DDX10: variants seen among roughly 807,000 people sequenced by gnomAD.
DDX10 encodes probable ATP-dependent RNA helicase DDX10.
Under a neutral mutation model 104.3 loss-of-function variants are expected in DDX10, and 74 were observed. That is an observed-to-expected ratio of 0.71 (90% CI 0.59 to 0.86). The LOEUF (loss-of-function observed/expected upper bound fraction) is 0.86, where lower values mean the gene tolerates loss of function less well. DDX10 is among the 40% of genes least tolerant of loss of function. The probability of loss-of-function intolerance (pLI) is 0.00; values close to 1 mark genes in which losing one functional copy is unlikely to be tolerated. For missense variants in DDX10, 952 were observed against 1,040.0 expected (o/e 0.92, Z 1.16); for synonymous variants, 351 against 353.4 (o/e 0.99, Z 0.08).
chr11:108,689,826 T>C lies in DDX10; in HGVS notation c.975+764T>C, dbSNP rs138917130. On this transcript the variant is annotated intron_variant, in intron 7 of 17. Coordinates refer to ENST00000322536, the MANE Select transcript of DDX10 (RefSeq NM_004398.4). ...AGATTTACAGCTTTTGCAATAACTT[T>C]CCATGATAAATATGTAGATGGGTTT... Among the ~76,000 whole-genome samples, 415 of 152,346 alleles carry C rather than the reference T, an allele frequency of 2.7e-3. 1 individual carries two copies. Among genetic ancestry groups the C allele is most frequent in the African/African-American group, 9.3e-3 (385 of 41,580 alleles).
rs187906965 is a variant in DDX10, at chr11:108,797,533, C to T, written c.1966-40913C>T. 3.3e-5 allele frequency among the ~76,000 whole-genome samples: 5 copies of T among 152,246 alleles called. No individual in the cohort carries two copies. In the East Asian group the frequency reaches 7.7e-4, roughly 24 times the overall value. On this transcript the variant is annotated intron_variant, in intron 13 of 17. Coordinates refer to ENST00000322536, the MANE Select transcript of DDX10 (RefSeq NM_004398.4). ...TAAATGATTTATATTACAAAAAGAC[C>T]GACTCCAGGAGATAGAGCTCTATTT...
At position 108,904,186 on chromosome 11, in the gene DDX10, A is replaced by G. The variant is rs556640480; in HGVS notation, c.2305-13687A>G. 4.6e-5 allele frequency among the ~76,000 whole-genome samples: 7 copies of G among 152,262 alleles called. No homozygotes were observed. In the East Asian group the frequency reaches 1.4e-3, roughly 29 times the overall value. On this transcript the variant is annotated intron_variant, in intron 16 of 17. Transcript: ENST00000322536. ...GGAAATGACCCTATTCTATTAGAGC[A>G]GGGAGTCAGAGCAGGGTGGTTTCAA...
intron 13 of DDX10, among the ~76,000 whole-genome samples, chr11:108,744,591 A>G (rs1357600983): frequency 1.3e-5 from 2 of 152,168 alleles, no homozygotes; most frequent in Non-Finnish European, 2.9e-5. Context: ...ACCCTCTGCC[A>G]TGTCCCCTCT....
intron 13 of DDX10, among the ~76,000 whole-genome samples, chr11:108,802,064 G>A (rs550479333): frequency 6.6e-6 from 1 of 151,538 alleles, no homozygotes; most frequent in Non-Finnish European, 1.5e-5. Flanking sequence ...GGCTGATCAG[G>A]TGGAACCCAT....
rs1565258676 is a variant in DDX10, at chr11:108,723,126, C to CG, written c.1630dup (p.Glu544GlyfsTer6). On this transcript the variant is annotated frameshift_variant, in exon 13 of 18. Coordinates refer to ENST00000322536, the MANE Select transcript of DDX10 (RefSeq NM_004398.4). LOFTEE classifies it high-confidence loss of function. ...CAAGGGCTCCCTCCCTCACCAATGA[C>CG]GAAGTGGAAGAATTTAGAGCCTACT... 1 of 1,613,820 alleles carries CG rather than the reference C, an allele frequency of 6.2e-7. No individual in the cohort carries two copies. The highest frequency in any genetic ancestry group is 8.5e-7 in the Non-Finnish European group (1 of 1,179,874).
intron 4 of DDX10, among the ~76,000 whole-genome samples, chr11:108,677,564 G>A (rs1242348240): frequency 6.6e-6 from 1 of 151,642 alleles, no homozygotes; most frequent in African/African-American, 2.4e-5. Flanking sequence ...TTTTAATAAG[G>A]TATCTATCTA....
At chr11:108,934,287 CT>C (rs1441560494) in intron 17 of DDX10, among the ~76,000 whole-genome samples, 2 of 152,112 alleles carry the variant, frequency 1.3e-5, no homozygotes, top group Admixed American at 6.5e-5. Context: ...GGGAATAGTC[CT>C]TTTCACTTAG....
At chr11:108,914,809 G>A (rs1331774035) in intron 16 of DDX10, among the ~76,000 whole-genome samples, 2 of 141,808 alleles carry the variant, frequency 1.4e-5, no homozygotes, top group African/African-American at 5.3e-5. Flanking sequence ...ATGGAAAAAT[G>A]TTCTGAGCAG....
intron 13 of DDX10, among the ~76,000 whole-genome samples, chr11:108,781,932 G>A (rs2094378647): frequency 6.6e-6 from 1 of 152,082 alleles, no homozygotes; most frequent in Admixed American, 6.5e-5. Flanking sequence ...TTGGCCATTG[G>A]GAGTTAAGAG....
At chr11:108,806,119 G>A (rs150964800) in intron 13 of DDX10, among the ~76,000 whole-genome samples, 59 of 151,990 alleles carry the variant, frequency 3.9e-4, no homozygotes, top group African/African-American at 1.4e-3. Context: ...CCACCACCAC[G>A]CCCGGCTAGT....
chr11:108,682,124 A>T, intron 6 of DDX10, among the ~76,000 whole-genome samples: 1 of 151,672 alleles, frequency 6.6e-6, no homozygotes. Flanking sequence ...GTGTTTTTTG[A>T]GATGGAGTCT....
At chr11:108,815,349 T>A (rs1862241182) in intron 13 of DDX10, among the ~76,000 whole-genome samples, 1 of 152,120 alleles carries the variant, frequency 6.6e-6, no homozygotes, top group Non-Finnish European at 1.5e-5. Flanking sequence ...GTAAATACAG[T>A]CATCCCTTGG....
chr11:108,929,015 C>A (rs1009575334), intron 17 of DDX10, among the ~76,000 whole-genome samples: 5 of 152,182 alleles, frequency 3.3e-5, no homozygotes, highest in African/African-American at 1.2e-4. Context: ...TGTAACATAG[C>A]CTATTCAAAA....
chr11:108,693,483 C>T, intron 8 of DDX10, 33 bp from the exon 9 acceptor site: 1 of 1,542,742 alleles, frequency 6.5e-7, no homozygotes, highest in Non-Finnish European at 9.0e-7. Flanking sequence ...GATCTTGCAA[C>T]CAGTTTCTTA....
At chr11:108,776,325 G>A (rs890555205) in intron 13 of DDX10, among the ~76,000 whole-genome samples, 1 of 152,164 alleles carries the variant, frequency 6.6e-6, no homozygotes, top group Non-Finnish European at 1.5e-5. Flanking sequence ...TGTCAGCCAA[G>A]AATTTGTGGA....
intron 13 of DDX10, among the ~76,000 whole-genome samples, chr11:108,757,352 T>C (rs1050203364): frequency 3.9e-5 from 6 of 152,240 alleles, no homozygotes; most frequent in Non-Finnish European, 5.9e-5. Context: ...TTTTATGTAA[T>C]TATCCAGCTA....
chr11:108,800,856 C>G (rs1027016201), intron 13 of DDX10, among the ~76,000 whole-genome samples: 1 of 152,210 alleles, frequency 6.6e-6, no homozygotes, highest in South Asian at 2.1e-4. Context: ...AGTGTTTGAT[C>G]TACAAATGAT....
chr11:108,852,171 A>T lies in DDX10; in HGVS notation c.2266A>T (p.Arg756Trp). 6.2e-7 allele frequency: 1 copy of T among 1,611,228 alleles called. No homozygotes were observed. The change falls in exon 16 of 18, where the codon AGG becomes TGG. Residue 756 changes from arginine to tryptophan, a missense_variant. Physicochemically the swap from Arg to Trp is moderately radical, Grantham distance 101. This residue lies in a region of DDX10 where 533 missense variants were observed against 534.1 expected (regional missense o/e 1.00). Coordinates refer to ENST00000322536, the MANE Select transcript of DDX10 (RefSeq NM_004398.4). Reference protein sequence around the residue: ...AKHREKRLKEREARREANKRQ... With the variant: ...AKHREKRLKEWEARREANKRQ... ...TCTCCAGGAGAAAAGACTGAAAGAA[A>T]GGGAAGCCAGAAGAGAAGCCAACAA...
chr11:108,793,772 C>T (rs1274624544), intron 13 of DDX10, among the ~76,000 whole-genome samples: 1 of 152,222 alleles, frequency 6.6e-6, no homozygotes, highest in Non-Finnish European at 1.5e-5. Context: ...TTCTATCTAA[C>T]CGTATGTTTG....
Sources: gnomAD v4.1 joint callset for allele counts (sites outside exome capture counted in the v4.1 genomes callset) on GRCh38, gnomAD v4.1.1 for gene constraint, gnomAD v4.1.1 regional missense constraint, MANE v1.5 for transcripts, NCBI Gene and HGNC (gene_info 2026-07-23, HGNC 2026-07-21) for gene names.